Variants in SLC44A5 observed in about 807,000 individuals in gnomAD.
SLC44A5 encodes the protein choline transporter-like protein 5.
SLC44A5 carries 57 observed loss-of-function variants against 101.8 expected under a neutral mutation model. The ratio of observed to expected loss-of-function variants is 0.56; its 90% CI spans 0.45 to 0.70. The LOEUF is 0.70. SLC44A5 is among the 30% of genes least tolerant of loss of function. SLC44A5 has a pLI of 0.00. For missense variants in SLC44A5, 737 were observed against 853.1 expected, an observed-to-expected ratio of 0.86 and a Z score of 1.70; for synonymous variants, 281 against 290.9, an observed-to-expected ratio of 0.97 and a Z score of 0.35.
Position 75,537,034 on chromosome 1 carries a change from A to AAAG in SLC44A5, c.13+4400_13+4401insCTT, listed in dbSNP as rs1553199990. Among the ~76,000 whole-genome samples the AAAG allele has an allele frequency of 9.1e-4, 17 of 18,658 alleles. 1 individual carries two copies. Among genetic ancestry groups the AAAG allele is most frequent in the African/African-American group, 1.6e-3 (16 of 9,712 alleles). The allele number at this position is 18,658 out of a possible 152,430, so 12.2% of individuals were successfully genotyped here. The stretch of plus-strand genomic sequence containing the variant: ...AAAAAAAAAAAAAAAAAAAAAAAAA[A>AAAG]TATATATCTATGCCAAATGATTCTG... On this transcript the variant is annotated intron_variant, in intron 2 of 23. Transcript: ENST00000370859.
the SLC44A5 span, among the ~76,000 whole-genome samples, chr1:75,643,984 A>C: frequency 2.6e-5 from 4 of 152,366 alleles, no homozygotes; most frequent in Non-Finnish European, 4.4e-5. Context: ...GAGTTCATTC[A>C]GGGCTAAAAC....
intron 5 of SLC44A5, among the ~76,000 whole-genome samples, chr1:75,289,532 G>A (rs528242037): frequency 6.6e-5 from 10 of 152,136 alleles, no homozygotes; most frequent in East Asian, 5.8e-4. Context: ...TTCCTACAAC[G>A]CTTCAGAAGG....
the SLC44A5 span, among the ~76,000 whole-genome samples, chr1:75,705,997 T>A: frequency 6.6e-6 from 1 of 152,194 alleles, no homozygotes; most frequent in African/African-American, 2.4e-5. Flanking sequence ...TTTGACTTTG[T>A]TAATTCCATT....
intron 4 of SLC44A5, among the ~76,000 whole-genome samples, chr1:75,301,009 G>T (rs1278965615): frequency 1.3e-5 from 2 of 152,026 alleles, no homozygotes; most frequent in Non-Finnish European, 2.9e-5. Context: ...TGTAATATAA[G>T]CTATTTGATT....
At chr1:75,366,348 T>A (rs1321743285) in intron 3 of SLC44A5, among the ~76,000 whole-genome samples, 1 of 152,176 alleles carries the variant, frequency 6.6e-6, no homozygotes, top group Non-Finnish European at 1.5e-5. Flanking sequence ...TATAATCCCA[T>A]ACTCTCCTAG....
At chr1:75,611,130 A>C, upstream of SLC44A5, 1 of 983,592 alleles carries the variant, frequency 1.0e-6, no homozygotes, top group Non-Finnish European at 1.2e-6. Flanking sequence ...AAAAAAGCTG[A>C]TGTCATAAAC....
chr1:75,440,484 G>A (rs1368870192), intron 2 of SLC44A5, among the ~76,000 whole-genome samples: 1 of 152,058 alleles, frequency 6.6e-6, no homozygotes, highest in Admixed American at 6.6e-5. Flanking sequence ...AGGTTGGAGA[G>A]ATAACAAAGC....
intron 3 of SLC44A5, among the ~76,000 whole-genome samples, chr1:75,389,832 A>T (rs955748270): frequency 6.6e-6 from 1 of 152,172 alleles, no homozygotes; most frequent in Non-Finnish European, 1.5e-5. Flanking sequence ...ACTAATTGAC[A>T]TTGAGATGCC....
intron 2 of SLC44A5, among the ~76,000 whole-genome samples, chr1:75,436,063 G>A (rs770722822): frequency 1.3e-5 from 2 of 152,128 alleles, no homozygotes; most frequent in Non-Finnish European, 2.9e-5. Context: ...ACATGGCACT[G>A]AGTTTTAACA....
At chr1:75,631,221 A>G in the SLC44A5 span, among the ~76,000 whole-genome samples, 2 of 152,202 alleles carry the variant, frequency 1.3e-5, no homozygotes, top group South Asian at 2.1e-4. Context: ...TTGACCTTTG[A>G]AAGTTCAACA....
At chr1:75,673,378 T>G in the SLC44A5 span, among the ~76,000 whole-genome samples, 36 of 152,128 alleles carry the variant, frequency 2.4e-4, no homozygotes, top group African/African-American at 8.7e-4. Context: ...TCTTGTGGCT[T>G]GGGTTCCAAC....
chr1:75,378,118 C>A lies in SLC44A5; in HGVS notation c.52+18465G>T, dbSNP rs561599901. ...TACGCTCGAGCGTGGTCATTGAGGA[C>A]AAGTCGACGAGAGATCCCAAGTACG... On this transcript the variant is annotated intron_variant, in intron 3 of 23. Coordinates refer to ENST00000370859, the MANE Select transcript of SLC44A5 (RefSeq NM_001130058.2). 1.6e-3 allele frequency among the ~76,000 whole-genome samples: 134 copies of A among 82,158 alleles called. 51 individuals carry two copies. The highest frequency in any genetic ancestry group is 0.011 in the African/African-American group (134 of 12,592). 53.9% of individuals were successfully genotyped at this position (82,158 alleles called of 152,430 possible). A position where few individuals can be genotyped will look rare whatever the true frequency, so the allele number is the denominator to read the frequency against.
intron 1 of SLC44A5, among the ~76,000 whole-genome samples, chr1:75,564,915 C>T (rs1481607822): frequency 6.6e-6 from 1 of 152,180 alleles, no homozygotes; most frequent in Non-Finnish European, 1.5e-5. Flanking sequence ...AGCCACTGCG[C>T]CCGGCCTATT....
In SLC44A5 at chr1:75,290,587, T is replaced by C. The variant is rs79468297; in HGVS notation, c.175+10025A>G. Among the ~76,000 whole-genome samples, 435 of 152,140 alleles carry C rather than the reference T, an allele frequency of 2.9e-3. 2 individuals are homozygous for C. Among genetic ancestry groups the C allele is most frequent in the Middle Eastern group, 0.014 (4 of 294 alleles). ...GGTGTAGCCAAACTGTTGTGACCCA[T>C]CAGCAAGAGAGTCAAAGGAAGAAAT... On this transcript the variant is annotated intron_variant, in intron 5 of 23. Coordinates refer to ENST00000370859, the MANE Select transcript of SLC44A5 (RefSeq NM_001130058.2).
At chr1:75,712,713 A>AAAAAAAC in the SLC44A5 span, among the ~76,000 whole-genome samples, 5 of 110,642 alleles carry the variant, frequency 4.5e-5, 1 homozygote, top group East Asian at 2.4e-4. Context: ...AAAAAAAAAA[A>AAAAAAAC]ATGGAAAAGA....
chr1:75,271,704 T>C (rs1284547092), intron 6 of SLC44A5, among the ~76,000 whole-genome samples: 1 of 152,132 alleles, frequency 6.6e-6, no homozygotes, highest in East Asian at 1.9e-4. Context: ...ATTTTCTTTA[T>C]CCACTTGTTG....
chr1:75,669,386 C>T, the SLC44A5 span, among the ~76,000 whole-genome samples: 1 of 152,148 alleles, frequency 6.6e-6, no homozygotes, highest in East Asian at 1.9e-4. Flanking sequence ...TCTGGCTTGA[C>T]ACTCCCAAAC....
the SLC44A5 span, among the ~76,000 whole-genome samples, chr1:75,721,308 C>T: frequency 1.3e-5 from 2 of 152,118 alleles, no homozygotes; most frequent in African/African-American, 4.8e-5. Context: ...GCCCACAGAC[C>T]ACATGCAACC....
chr1:75,280,015 T>A, intron 5 of SLC44A5, among the ~76,000 whole-genome samples: 1 of 147,572 alleles, frequency 6.8e-6, no homozygotes, highest in Non-Finnish European at 1.5e-5. Context: ...GGTTTTGCAT[T>A]CCTGAGTTAC....
Sources: gnomAD v4.1 joint callset for allele counts (sites outside exome capture counted in the v4.1 genomes callset) on GRCh38, gnomAD v4.1.1 for gene constraint, MANE v1.5 for transcripts, NCBI Gene and HGNC (gene_info 2026-07-23, HGNC 2026-07-21) for gene names.